The following FHIT variants were observed in gnomAD, a reference collection of about 807,000 sequenced individuals.
FHIT encodes fragile histidine triad diadenosine triphosphatase.
FHIT carries 19 observed loss-of-function variants against 17.9 expected under a neutral mutation model. The observed-to-expected ratio is 1.06, with a 90% confidence interval of 0.74 to 1.56. FHIT has a LOEUF of 1.56. Ranked by LOEUF, FHIT falls within the 40% of genes most tolerant of loss-of-function variation. FHIT has a pLI of 0.00. For missense variants in FHIT, 248 were observed against 189.2 expected, an observed-to-expected ratio of 1.31 and a Z score of -1.82; for synonymous variants, 81 against 69.7, an observed-to-expected ratio of 1.16 and a Z score of -0.81.
chr3:60,278,877 C>T (rs1285008540), intron 5 of FHIT, among the ~76,000 whole-genome samples: 3 of 151,782 alleles, frequency 2.0e-5, no homozygotes, highest in Admixed American at 6.6e-5. Context: ...TTGTGGAATG[C>T]AAGGAAAACA....
chr3:60,767,917 AG>A (rs1351791803), intron 4 of FHIT, among the ~76,000 whole-genome samples: 1 of 152,330 alleles, frequency 6.6e-6, no homozygotes, highest in Non-Finnish European at 1.5e-5. Context: ...ATCAAATGAA[AG>A]TAGATTACAC....
intron 4 of FHIT, among the ~76,000 whole-genome samples, chr3:60,596,554 G>C (rs982285061): frequency 1.3e-5 from 2 of 152,002 alleles, no homozygotes; most frequent in Non-Finnish European, 2.9e-5. Context: ...TGAGGCTCCC[G>C]TTTGCTGTTC....
chr3:61,009,278 C>T (rs1276618475), intron 3 of FHIT, among the ~76,000 whole-genome samples: 1 of 152,114 alleles, frequency 6.6e-6, no homozygotes, highest in Non-Finnish European at 1.5e-5. Flanking sequence ...CAGAAGGCCA[C>T]GTGATATATG....
intron 5 of FHIT, among the ~76,000 whole-genome samples, chr3:60,298,521 T>C (rs1274610618): frequency 6.6e-6 from 1 of 152,188 alleles, no homozygotes; most frequent in East Asian, 1.9e-4. Flanking sequence ...TGTTGAATAG[T>C]AGCGGTGAGA....
intron 1 of FHIT, among the ~76,000 whole-genome samples, chr3:61,234,009 G>A (rs1177454441): frequency 1.3e-5 from 2 of 152,204 alleles, no homozygotes; most frequent in Non-Finnish European, 2.9e-5. Context: ...AGCTGACATA[G>A]TAACCTATTA....
chr3:60,104,676 G>T (rs10780042), intron 5 of FHIT, among the ~76,000 whole-genome samples: 103,146 of 151,752 alleles, frequency 0.68, 36,752 homozygotes, highest in Middle Eastern at 0.82. Flanking sequence ...CCTTAGAGAA[G>T]GTGAGATCAG....
At chr3:61,076,716 T>C (rs2034984226) in intron 2 of FHIT, among the ~76,000 whole-genome samples, 1 of 152,086 alleles carries the variant, frequency 6.6e-6, no homozygotes, top group African/African-American at 2.4e-5. Context: ...AGAAGAACAG[T>C]GGGATCAGAG....
chr3:60,289,662 AC>A (rs1707893441), intron 5 of FHIT, among the ~76,000 whole-genome samples: 1 of 152,174 alleles, frequency 6.6e-6, no homozygotes, highest in Non-Finnish European at 1.5e-5. Flanking sequence ...ACAAGCTAAA[AC>A]CTGAAGCTGA....
chr3:60,213,235 T>C (rs987532854), intron 5 of FHIT, among the ~76,000 whole-genome samples: 1 of 152,080 alleles, frequency 6.6e-6, no homozygotes, highest in Non-Finnish European at 1.5e-5. Flanking sequence ...TTGCTCTCTC[T>C]CCCCCCATCT....
intron 5 of FHIT, among the ~76,000 whole-genome samples, chr3:60,244,207 T>G (rs1705275123): frequency 6.6e-6 from 1 of 152,076 alleles, no homozygotes; most frequent in African/African-American, 2.4e-5. Flanking sequence ...TGTTCAATAC[T>G]TCAGTTATTA....
intron 3 of FHIT, among the ~76,000 whole-genome samples, chr3:60,880,083 C>T (rs1375809900): frequency 2.0e-5 from 3 of 152,044 alleles, no homozygotes; most frequent in African/African-American, 7.2e-5. Context: ...CATTATAGTT[C>T]AATTGTCAAA....
intron 4 of FHIT, among the ~76,000 whole-genome samples, chr3:60,664,299 C>T (rs1468083043): frequency 2.6e-5 from 4 of 151,846 alleles, no homozygotes; most frequent in Non-Finnish European, 5.9e-5. Context: ...AATGTTGAAC[C>T]AACCTTACAT....
intron 5 of FHIT, among the ~76,000 whole-genome samples, chr3:60,306,107 G>A (rs1708658458): frequency 6.6e-6 from 1 of 152,098 alleles, no homozygotes; most frequent in South Asian, 2.1e-4. Context: ...TCTTCATGAG[G>A]GGTATTAAAG....
At chr3:60,753,286 T>C (rs1346889309) in intron 4 of FHIT, among the ~76,000 whole-genome samples, 4 of 138,050 alleles carry the variant, frequency 2.9e-5, no homozygotes, top group Non-Finnish European at 5.0e-5. Flanking sequence ...AGTTAGGGAG[T>C]TATGGATTAG....
intron 7 of FHIT, among the ~76,000 whole-genome samples, chr3:59,944,246 T>C (rs992569939): frequency 3.9e-5 from 6 of 152,176 alleles, no homozygotes; most frequent in Admixed American, 2.0e-4. Context: ...GACACTGACA[T>C]TGGTACAATG....
At position 60,573,583 on chromosome 3, in the gene FHIT, C is replaced by T. The variant is rs962600667; in HGVS notation, c.-17-36604G>A. 6.6e-5 allele frequency among the ~76,000 whole-genome samples: 10 copies of T among 152,218 alleles called. No homozygotes were observed. The South Asian group carries it at 1.0e-3, about 16-fold the overall frequency. Reference sequence around the variant, plus strand: ...TCCTGAACTGAGAACGAACCTGCAGCATCCAGAGCAGCTCTAAGAAGCAGG... The same window carrying T: ...TCCTGAACTGAGAACGAACCTGCAGTATCCAGAGCAGCTCTAAGAAGCAGG... On this transcript the variant is annotated intron_variant, in intron 4 of 9. Transcript: ENST00000492590.
At chr3:61,245,238 G>T (rs1453669797) in intron 1 of FHIT, among the ~76,000 whole-genome samples, 7 of 152,018 alleles carry the variant, frequency 4.6e-5, no homozygotes, top group Non-Finnish European at 8.8e-5. Flanking sequence ...CATTTCAATG[G>T]GTTACCTCAC....
At chr3:60,212,876 C>T (rs944058877) in intron 5 of FHIT, among the ~76,000 whole-genome samples, 13 of 152,112 alleles carry the variant, frequency 8.5e-5, no homozygotes, top group Non-Finnish European at 1.9e-4. Context: ...CCAGCAAATC[C>T]GGGTTTGTTC....
At chr3:60,708,984 C>A (rs1457679460) in intron 4 of FHIT, among the ~76,000 whole-genome samples, 1 of 152,120 alleles carries the variant, frequency 6.6e-6, no homozygotes, top group Non-Finnish European at 1.5e-5. Flanking sequence ...TAGCGCATTG[C>A]AAGGCAGAGC....
Sources: allele counts gnomAD v4.1 joint callset (sites outside exome capture counted in the v4.1 genomes callset), GRCh38; gene constraint gnomAD v4.1.1; transcripts MANE v1.5; gene names NCBI Gene and HGNC (gene_info 2026-07-23, HGNC 2026-07-21).